Variants in PWWP2A observed in about 807,000 individuals in gnomAD.
The protein encoded by PWWP2A is PWWP domain containing 2A.
Under a neutral mutation model 48.5 loss-of-function variants are expected in PWWP2A, and 18 were observed. The observed-to-expected ratio is 0.37, with a 90% confidence interval of 0.26 to 0.55. The LOEUF (loss-of-function observed/expected upper bound fraction) is 0.55, where lower values mean the gene tolerates loss of function less well. Among genes scored for constraint, PWWP2A ranks in the 20% least tolerant of loss-of-function variants. PWWP2A has a pLI of 0.81. For missense variants in PWWP2A, 867 were observed against 976.4 expected (o/e 0.89, Z 1.49); for synonymous variants, 396 against 387.7 (o/e 1.02, Z -0.25).
At chr5:160,058,818 T>C (rs1484264760), downstream of PWWP2A, among the ~76,000 whole-genome samples, 1 of 152,194 alleles carries the variant, frequency 6.6e-6, no homozygotes, top group Non-Finnish European at 1.5e-5. Flanking sequence ...AACTTTAATC[T>C]CCTTGTTCAT....
chr5:160,047,997 A>T, the PWWP2A span, among the ~76,000 whole-genome samples: 7 of 152,042 alleles, frequency 4.6e-5, no homozygotes, highest in African/African-American at 4.8e-5. Context: ...CTTGTTTCCC[A>T]CTATAGCCCA....
rs1754012533 is a variant in PWWP2A at position 160,078,577 on chromosome 5, C to G, written c.1670-409G>C. On this transcript the variant is annotated intron_variant, in intron 3 of 3. Transcript: ENST00000456329. The surrounding 1 kb of genome is among the most constrained non-coding windows in gnomAD (Gnocchi z 4.2). ...GCTGGGGACTGCTATGAAGCACCAA[C>G]AGCCTTCTACTAGCACAGACTAGCC... Among the ~76,000 whole-genome samples, 1 of 152,188 alleles carries G rather than the reference C, an allele frequency of 6.6e-6. No individual in the cohort carries two copies. Among genetic ancestry groups the G allele is most frequent in the Non-Finnish European group, 1.5e-5 (1 of 68,028 alleles).
the PWWP2A span, among the ~76,000 whole-genome samples, chr5:160,055,814 A>G: frequency 6.6e-6 from 1 of 152,252 alleles, no homozygotes; most frequent in Non-Finnish European, 1.5e-5. Context: ...CAGCCATGGC[A>G]CTGAGTTTTA....
intron 1 of PWWP2A, chr5:160,113,115 G>A (rs112053124): frequency 0.081 from 39,989 of 495,266 alleles, 1,697 homozygotes; most frequent in Middle Eastern, 0.12. Context: ...CCGAAGTCCC[G>A]CCACTGCACT....
intron 1 of PWWP2A, among the ~76,000 whole-genome samples, chr5:160,100,618 G>GA (rs1756173885): frequency 6.6e-6 from 1 of 151,852 alleles, no homozygotes; most frequent in African/African-American, 2.4e-5. Flanking sequence ...AAAGGAAAAA[G>GA]AAAAAAACAA....
chr5:160,119,027 G>T lies in PWWP2A; in HGVS notation c.362C>A (p.Pro121Gln). ...PELPPSPASPPEQPPAPEERE... is the reference protein window; with the variant it reads ...PELPPSPASPQEQPPAPEERE... ...CTCCTCGGGAGCCGGGGGCTGCTCC[G>T]GCGGCGATGCAGGAGAAGGTGGAAG... Residue 121 changes from proline (P) to glutamine (Q), a missense_variant, in exon 1 of 2, where the codon CCG becomes CAG. Pro to Gln is a moderately conservative substitution (Grantham distance 76, BLOSUM62 -1). Transcript: ENST00000307063. 1 of 1,598,232 alleles carries T rather than the reference G, an allele frequency of 6.3e-7. No individual in the cohort carries two copies. Among genetic ancestry groups the T allele is most frequent in the South Asian group, 1.1e-5 (1 of 90,316 alleles).
intron 1 of PWWP2A, among the ~76,000 whole-genome samples, chr5:160,106,289 T>C (rs1177903970): frequency 6.6e-6 from 1 of 152,330 alleles, no homozygotes; most frequent in Non-Finnish European, 1.5e-5. Context: ...TTTACAATTT[T>C]AGGCAATTTT....
At chr5:160,118,430 C>A (rs536327023) in intron 1 of PWWP2A, among the ~76,000 whole-genome samples, 1 of 148,854 alleles carries the variant, frequency 6.7e-6, no homozygotes, top group East Asian at 2.0e-4. Context: ...GCCCCCCCGT[C>A]CCCCCGTCCA....
chr5:160,080,670 C>T, exon 3 of PWWP2A: 1 of 1,559,008 alleles, frequency 6.4e-7, no homozygotes, highest in South Asian at 1.2e-5. Flanking sequence ...TCACTGTTAA[C>T]TTCAATGCTC....
intron 1 of PWWP2A, among the ~76,000 whole-genome samples, chr5:160,115,940 T>C (rs960459355): frequency 1.3e-5 from 2 of 151,554 alleles, no homozygotes; most frequent in Admixed American, 6.6e-5. Context: ...AATTACAAAA[T>C]ATACTGGCAG....
At chr5:160,115,906 A>T (rs1199169234) in intron 1 of PWWP2A, among the ~76,000 whole-genome samples, 1 of 152,124 alleles carries the variant, frequency 6.6e-6, no homozygotes, top group Non-Finnish European at 1.5e-5. Context: ...CTGCACAGGA[A>T]AGTGTGCAAT....
chr5:160,100,928 A>G (rs987417082), intron 1 of PWWP2A, among the ~76,000 whole-genome samples: 1 of 152,238 alleles, frequency 6.6e-6, no homozygotes, highest in Non-Finnish European at 1.5e-5. Flanking sequence ...GATATTAGCC[A>G]AAAAGGTGGA....
intron 2 of PWWP2A, among the ~76,000 whole-genome samples, chr5:160,083,619 G>C (rs1754403936): frequency 6.6e-6 from 1 of 152,112 alleles, no homozygotes; most frequent in South Asian, 2.1e-4. Flanking sequence ...TCTCCTAATA[G>C]GACCTCCACT....
At chr5:160,115,625 G>A (rs950371630) in intron 1 of PWWP2A, among the ~76,000 whole-genome samples, 1 of 151,466 alleles carries the variant, frequency 6.6e-6, no homozygotes, top group Non-Finnish European at 1.5e-5. Flanking sequence ...CCCAGGAGGT[G>A]GAGGTTGCAC....
intron 1 of PWWP2A, among the ~76,000 whole-genome samples, chr5:160,095,780 G>A (rs558830620): frequency 3.2e-4 from 46 of 142,544 alleles, no homozygotes; most frequent in Non-Finnish European, 5.0e-4. Context: ...CTGCAGCCTC[G>A]ACCTCCTAGG....
At chr5:160,054,948 C>G in the PWWP2A span, among the ~76,000 whole-genome samples, 1 of 152,248 alleles carries the variant, frequency 6.6e-6, no homozygotes, top group Non-Finnish European at 1.5e-5. Flanking sequence ...ATACTTAGGA[C>G]AAACTCCCAG....
chr5:160,098,845 G>A (rs112765895), intron 1 of PWWP2A, among the ~76,000 whole-genome samples: 1 of 152,160 alleles, frequency 6.6e-6, no homozygotes, highest in Non-Finnish European at 1.5e-5. Context: ...GTGCACGCCT[G>A]TAATCCCAGT....
intron 2 of PWWP2A, among the ~76,000 whole-genome samples, chr5:160,067,689 A>T (rs924855064): frequency 6.6e-5 from 10 of 152,238 alleles, no homozygotes; most frequent in African/African-American, 7.2e-5. Flanking sequence ...AAAGGATCCC[A>T]GTAGGTGTGA....
chr5:160,094,167 C>A, intron 1 of PWWP2A, 102 bp from the exon 2 acceptor site: 1 of 1,298,836 alleles, frequency 7.7e-7, no homozygotes, highest in Non-Finnish European at 1.0e-6. Flanking sequence ...ATAACCTTTC[C>A]CGAAAACTAT....
Sources: allele counts gnomAD v4.1 joint callset (sites outside exome capture counted in the v4.1 genomes callset), GRCh38; gene constraint gnomAD v4.1.1; non-coding constraint Gnocchi (gnomAD v3.1); transcripts MANE v1.5; gene names NCBI Gene and HGNC (gene_info 2026-07-23, HGNC 2026-07-21).